Variants in ITPR2 observed in about 807,000 individuals in gnomAD.
The protein encoded by ITPR2 is inositol 1,4,5-trisphosphate receptor type 2.
Under a neutral mutation model 317.1 loss-of-function variants are expected in ITPR2, and 207 were observed. The observed-to-expected ratio is 0.65, with a 90% confidence interval of 0.58 to 0.73. ITPR2 has a LOEUF of 0.73. Among genes scored for constraint, ITPR2 ranks in the 30% least tolerant of loss-of-function variants. The probability of loss-of-function intolerance (pLI) is 0.00; values close to 1 mark genes in which losing one functional copy is unlikely to be tolerated. For missense variants in ITPR2, 2,613 were observed against 3,284.0 expected, an observed-to-expected ratio of 0.80 and a Z score of 4.99; for synonymous variants, 1,156 against 1,149.1, an observed-to-expected ratio of 1.01 and a Z score of -0.12.
intron 13 of ITPR2, among the ~76,000 whole-genome samples, chr12:26,678,712 A>C (rs78236812): frequency 0.016 from 2,382 of 152,282 alleles, 58 homozygotes; most frequent in African/African-American, 0.054. Context: ...TCTCTTTGCT[A>C]TTAATACAAC....
At chr12:26,356,140 A>G (rs1396636972) in intron 55 of ITPR2, among the ~76,000 whole-genome samples, 1 of 152,212 alleles carries the variant, frequency 6.6e-6, no homozygotes, top group Non-Finnish European at 1.5e-5. Context: ...TAGCAATGAC[A>G]ACTGTCTTGC....
chr12:26,447,073 C>T (rs1366507612), intron 45 of ITPR2, among the ~76,000 whole-genome samples: 1 of 152,002 alleles, frequency 6.6e-6, no homozygotes, highest in African/African-American at 2.4e-5. Flanking sequence ...GTGACATCCT[C>T]AAATAAAGGG....
intron 34 of ITPR2, among the ~76,000 whole-genome samples, chr12:26,566,302 G>C: frequency 7.4e-6 from 1 of 135,046 alleles, no homozygotes; most frequent in Non-Finnish European, 1.6e-5. Context: ...AGAGGAGAGG[G>C]AGAGGGAAAA....
At chr12:26,633,144 A>T (rs1006686458) in intron 21 of ITPR2, among the ~76,000 whole-genome samples, 1 of 18,322 alleles carries the variant, frequency 5.5e-5, no homozygotes, top group East Asian at 0.038. Context: ...ATTTTTATTA[A>T]AAAAAAAAAA....
intron 33 of ITPR2, among the ~76,000 whole-genome samples, chr12:26,579,677 T>A (rs1188337645): frequency 6.6e-6 from 1 of 152,148 alleles, no homozygotes; most frequent in Non-Finnish European, 1.5e-5. Context: ...TTTTAGTACA[T>A]AAATCTTTGT....
intron 1 of ITPR2, among the ~76,000 whole-genome samples, chr12:26,810,593 C>T (rs2137263610): frequency 6.6e-6 from 1 of 152,270 alleles, no homozygotes; most frequent in Admixed American, 6.5e-5. Flanking sequence ...CCAAGCGTTG[C>T]CTAAAGACTT....
chr12:26,691,346 A>C (rs777467784), intron 10 of ITPR2, among the ~76,000 whole-genome samples: 1 of 152,126 alleles, frequency 6.6e-6, no homozygotes, highest in Non-Finnish European at 1.5e-5. Context: ...CAGAAACACT[A>C]GTTCCCCACA....
intron 15 of ITPR2, among the ~76,000 whole-genome samples, chr12:26,659,749 G>A (rs1309671379): frequency 6.6e-6 from 1 of 152,038 alleles, no homozygotes; most frequent in African/African-American, 2.4e-5. Flanking sequence ...CAATGATTTG[G>A]GCATAATTAT....
chr12:26,566,497 G>A (rs527983640), intron 34 of ITPR2, among the ~76,000 whole-genome samples: 182 of 140,658 alleles, frequency 1.3e-3, no homozygotes, highest in African/African-American at 4.7e-3. Flanking sequence ...GGAGAGGAGG[G>A]AGAGGAGGAA....
chr12:26,513,949 C>G (rs1198655008), intron 37 of ITPR2, among the ~76,000 whole-genome samples: 1 of 36,050 alleles, frequency 2.8e-5, no homozygotes, highest in South Asian at 1.6e-3. Context: ...GTCATTTGTC[C>G]GTTTGTCCCA....
intron 43 of ITPR2, among the ~76,000 whole-genome samples, chr12:26,479,772 T>C (rs1469932164): frequency 1.3e-5 from 2 of 152,080 alleles, no homozygotes; most frequent in Non-Finnish European, 2.9e-5. Flanking sequence ...AACTAATCTC[T>C]TCTATTAAAA....
At chr12:26,717,451 A>G (rs7961318) in intron 5 of ITPR2, among the ~76,000 whole-genome samples, 13,697 of 152,228 alleles carry the variant, frequency 0.09, 1,627 homozygotes, top group African/African-American at 0.28. Flanking sequence ...CCAAACAAAG[A>G]AAGGTTGTGC....
At chr12:26,349,826 A>T (rs975914010) in intron 55 of ITPR2, among the ~76,000 whole-genome samples, 1 of 152,160 alleles carries the variant, frequency 6.6e-6, no homozygotes, top group Non-Finnish European at 1.5e-5. Flanking sequence ...TAATCTAGTC[A>T]TTGCTCCCAA....
intron 51 of ITPR2, among the ~76,000 whole-genome samples, chr12:26,413,168 C>T (rs1469176849): frequency 6.6e-6 from 1 of 152,236 alleles, no homozygotes; most frequent in Non-Finnish European, 1.5e-5. Context: ...ATTTTCTGAA[C>T]ATTGCTCAAG....
chr12:26,595,293 A>G (rs373986688), intron 32 of ITPR2, among the ~76,000 whole-genome samples, 172 bp downstream of exon 32: 2 of 152,372 alleles, frequency 1.3e-5, no homozygotes, highest in South Asian at 2.1e-4. Flanking sequence ...TTTTGTGTAT[A>G]TATTAACTCA....
chr12:26,561,590 C>T (rs1026592860), intron 35 of ITPR2, among the ~76,000 whole-genome samples, 172 bp downstream of exon 35: 2 of 152,038 alleles, frequency 1.3e-5, no homozygotes, highest in South Asian at 2.1e-4. Flanking sequence ...AAATAACTCA[C>T]GACATATGGA....
rs1482240966 is a variant in ITPR2, at chr12:26,725,669, G to A, written c.260C>T (p.Ala87Val). 1.7e-5 allele frequency: 28 copies of A among 1,612,608 alleles called. No homozygotes were observed. In the Admixed American group the frequency reaches 4.7e-4, roughly 27 times the overall value. The stretch of plus-strand genomic sequence containing the variant: ...CCTTACCTGTAGTTTCTTCAGCAAG[G>A]CTGCCTCGGTGTGGTTCCCTTGTTT... ...QAKQGNHTEA[A>V]LLKKLQHAAE... Residue 87 changes from alanine (A) to valine (V), a missense_variant, in exon 3 of 57, where the codon GCC becomes GTC. Around this residue, in one of 9 missense-constraint regions of ITPR2, gnomAD observed 515 missense variants for 789.4 expected, o/e 0.65. Coordinates refer to ENST00000381340, the MANE Select transcript of ITPR2 (RefSeq NM_002223.4).
intron 45 of ITPR2, among the ~76,000 whole-genome samples, chr12:26,455,725 T>C (rs1430761262): frequency 6.6e-6 from 1 of 152,174 alleles, no homozygotes; most frequent in Non-Finnish European, 1.5e-5. Flanking sequence ...GAAAAACTTA[T>C]TGTCCTTTCT....
At chr12:26,564,885 T>TC (rs1217399798) in intron 34 of ITPR2, among the ~76,000 whole-genome samples, 10 of 152,320 alleles carry the variant, frequency 6.6e-5, no homozygotes, top group East Asian at 3.9e-4. Flanking sequence ...TTATGCTAAT[T>TC]TATGGCCAGC....
Sources: allele counts gnomAD v4.1 joint callset (sites outside exome capture counted in the v4.1 genomes callset), GRCh38; gene constraint gnomAD v4.1.1; regional missense constraint gnomAD v4.1.1; transcripts MANE v1.5; gene names NCBI Gene and HGNC (gene_info 2026-07-23, HGNC 2026-07-21).